Variants in DNAJC6 observed in about 807,000 individuals in gnomAD.
DNAJC6 encodes the protein auxilin.
DNAJC6 carries 34 observed loss-of-function variants against 110.0 expected under a neutral mutation model. The ratio of observed to expected loss-of-function variants is 0.31; its 90% CI spans 0.24 to 0.41. The LOEUF is 0.41. Among genes scored for constraint, DNAJC6 ranks in the 10% least tolerant of loss-of-function variants. The pLI is 1.00. For synonymous variants in DNAJC6, 406 were observed against 437.2 expected (o/e 0.93, Z 0.89); for missense variants, 1,031 against 1,207.8 (o/e 0.85, Z 2.17).
At chr1:65,364,593 C>T in intron 1 of DNAJC6, 42 bp from the exon 2 acceptor site, 1 of 1,575,518 alleles carries the variant, frequency 6.3e-7, no homozygotes, top group Non-Finnish European at 8.6e-7. Context: ...GATTCTCTGC[C>T]ATCACCATTT....
At chr1:65,374,378 C>A (rs1256716188) in intron 4 of DNAJC6, among the ~76,000 whole-genome samples, 1 of 151,940 alleles carries the variant, frequency 6.6e-6, no homozygotes, top group Non-Finnish European at 1.5e-5. Context: ...GGTAGTATTG[C>A]CATTTTAACA....
intron 1 of DNAJC6, among the ~76,000 whole-genome samples, chr1:65,291,453 A>G (rs537511089): frequency 7.2e-5 from 11 of 152,262 alleles, no homozygotes; most frequent in Non-Finnish European, 1.5e-4. Flanking sequence ...ATGAATCTAT[A>G]GCATTCCTAT....
chr1:65,296,854 G>A (rs1644934431), intron 1 of DNAJC6, among the ~76,000 whole-genome samples: 1 of 152,098 alleles, frequency 6.6e-6, no homozygotes, highest in Non-Finnish European at 1.5e-5. Context: ...CAAAAGTGCT[G>A]GGATTACAGG....
At chr1:65,321,325 C>T (rs529646465) in intron 1 of DNAJC6, among the ~76,000 whole-genome samples, 1 of 152,276 alleles carries the variant, frequency 6.6e-6, no homozygotes, top group African/African-American at 2.4e-5. Flanking sequence ...CTCAGCTTTC[C>T]AAGTAGCTAG....
chr1:65,306,972 TTCTCTCTCTCTC>T (rs144458447), upstream of DNAJC6, among the ~76,000 whole-genome samples: 4,090 of 90,280 alleles, frequency 0.045, 184 homozygotes, highest in East Asian at 0.13. Context: ...CTCAATCTGT[TTCTCTCTCTCTC>T]TCTCTCTCTC....
At chr1:65,390,153 T>C (rs1184596029) in intron 11 of DNAJC6, among the ~76,000 whole-genome samples, 1 of 152,188 alleles carries the variant, frequency 6.6e-6, no homozygotes, top group East Asian at 1.9e-4. Context: ...AATTCTCCCT[T>C]CTCTCTGCTG....
At chr1:65,337,516 A>T (rs779047977) in intron 1 of DNAJC6, among the ~76,000 whole-genome samples, 3 of 152,040 alleles carry the variant, frequency 2.0e-5, no homozygotes, top group Non-Finnish European at 4.4e-5. Flanking sequence ...TCATTTTATT[A>T]TTATGAACTC....
At chr1:65,409,434 T>A (rs1010728841) in intron 17 of DNAJC6, among the ~76,000 whole-genome samples, 2 of 152,238 alleles carry the variant, frequency 1.3e-5, no homozygotes, top group Non-Finnish European at 2.9e-5. Flanking sequence ...TTCTTTTGTT[T>A]GCCTGTTCAA....
At chr1:65,372,965 C>T (rs1051436571) in intron 4 of DNAJC6, among the ~76,000 whole-genome samples, 3 of 151,992 alleles carry the variant, frequency 2.0e-5, no homozygotes, top group African/African-American at 7.2e-5. Context: ...AAACCCTCTC[C>T]CACTCCTCTT....
chr1:65,406,270 T>C, intron 16 of DNAJC6, 137 bp downstream of exon 16: 7 of 1,274,810 alleles, frequency 5.5e-6, no homozygotes, highest in South Asian at 1.5e-5. Flanking sequence ...CTTATAGTTG[T>C]AGAGATAAAA....
At chr1:65,391,235 G>A (rs1344580048) in intron 11 of DNAJC6, among the ~76,000 whole-genome samples, 2 of 152,162 alleles carry the variant, frequency 1.3e-5, no homozygotes, top group Admixed American at 1.3e-4. Context: ...ATTCACGTCT[G>A]TCAGTTTTCC....
At chr1:65,323,334 C>T (rs554769995) in intron 1 of DNAJC6, among the ~76,000 whole-genome samples, 1 of 152,200 alleles carries the variant, frequency 6.6e-6, no homozygotes, top group Non-Finnish European at 1.5e-5. Context: ...TTGCTGTTCT[C>T]ATGATAGTGA....
Position 65,309,865 on chromosome 1 carries a change from A to C in DNAJC6, c.120A>C (p.Arg40Ser). Residue 40 changes from arginine to serine, a missense_variant, in exon 1 of 19, where the codon AGA (arginine) becomes AGC (serine). Transcript: ENST00000371069. The part of the protein sequence containing the change: ...AGSGGVGGKQ[R>S]VNAGAAARSP... Reference sequence around the variant, plus strand: ...GCGGCGGGGTTGGCGGCAAGCAGAGAGTGAACGCCGGGGCAGCGGCGCGGA... The same window carrying C: ...GCGGCGGGGTTGGCGGCAAGCAGAGCGTGAACGCCGGGGCAGCGGCGCGGA... 6.5e-7 allele frequency: 1 copy of C among 1,547,964 alleles called. No individual in the cohort carries two copies.
intron 4 of DNAJC6, among the ~76,000 whole-genome samples, chr1:65,378,398 A>G (rs1645787366): frequency 6.6e-6 from 1 of 152,204 alleles, no homozygotes; most frequent in Non-Finnish European, 1.5e-5. Context: ...GTTACCCGAT[A>G]AAATGATAAT....
At chr1:65,380,911 G>GTTTTTTTTTTTTT (rs1312055301) in intron 5 of DNAJC6, among the ~76,000 whole-genome samples, 54 of 114,888 alleles carry the variant, frequency 4.7e-4, no homozygotes, top group African/African-American at 1.5e-3. Context: ...TTTGTTTTTT[G>GTTTTTTTTTTTTT]TTTTGTTTTG....
chr1:65,393,090 A>G (rs1433743423), intron 12 of DNAJC6, among the ~76,000 whole-genome samples: 1 of 152,162 alleles, frequency 6.6e-6, no homozygotes, highest in Non-Finnish European at 1.5e-5. Context: ...TTTGAGCTTC[A>G]CACTCTTACT....
intron 1 of DNAJC6, among the ~76,000 whole-genome samples, chr1:65,331,360 A>G (rs1645287199): frequency 6.6e-6 from 1 of 152,320 alleles, no homozygotes; most frequent in Non-Finnish European, 1.5e-5. Flanking sequence ...AATACCTGCC[A>G]TTTATTTGGG....
At chr1:65,315,821 G>C (rs1645143881) in intron 1 of DNAJC6, among the ~76,000 whole-genome samples, 1 of 152,102 alleles carries the variant, frequency 6.6e-6, no homozygotes, top group South Asian at 2.1e-4. Flanking sequence ...ATAGAGAAAT[G>C]CCCATACGAT....
upstream of DNAJC6, among the ~76,000 whole-genome samples, chr1:65,307,523 T>A (rs1645055632): frequency 1.3e-5 from 2 of 152,232 alleles, no homozygotes; most frequent in South Asian, 4.1e-4. Context: ...AAAATGATCC[T>A]GTATTTATTT....
Sources: gnomAD v4.1 joint callset for allele counts (sites outside exome capture counted in the v4.1 genomes callset) on GRCh38, gnomAD v4.1.1 for gene constraint, MANE v1.5 for transcripts, NCBI Gene and HGNC (gene_info 2026-07-23, HGNC 2026-07-21) for gene names.